Variants in MCOLN2 observed in about 807,000 individuals in gnomAD.
MCOLN2 encodes mucolipin-2.
A neutral mutation model predicts 67.5 loss-of-function variants in MCOLN2; 57 were observed. That is an observed-to-expected ratio of 0.84 (90% confidence interval 0.68 to 1.05). The LOEUF is 1.05. MCOLN2 is among the 50% of genes least tolerant of loss of function. The probability of loss-of-function intolerance (pLI) is 0.00; values close to 1 mark genes in which losing one functional copy is unlikely to be tolerated. For missense variants in MCOLN2, 620 were observed against 678.8 expected (o/e 0.91, Z 0.96); for synonymous variants, 246 against 233.3 (o/e 1.05, Z -0.50).
chr1:84,977,936 C>T (rs1003695411), intron 1 of MCOLN2, among the ~76,000 whole-genome samples: 1 of 152,184 alleles, frequency 6.6e-6, no homozygotes, highest in East Asian at 1.9e-4. Flanking sequence ...CTACAGAATA[C>T]ACATTCTTTT....
chr1:84,982,225 A>G (rs75476342), intron 1 of MCOLN2, among the ~76,000 whole-genome samples: 1,553 of 152,324 alleles, frequency 0.01, 30 homozygotes, highest in African/African-American at 0.036. Context: ...ATATAGTACC[A>G]TAAGATATTT....
At chr1:84,944,391 G>A (rs531985134) in intron 7 of MCOLN2, among the ~76,000 whole-genome samples, 3 of 152,056 alleles carry the variant, frequency 2.0e-5, no homozygotes, top group Non-Finnish European at 4.4e-5. Flanking sequence ...AAAATAGTCG[G>A]GCGTGGTGGG....
At chr1:84,990,394 C>A (rs970902734) in intron 1 of MCOLN2, among the ~76,000 whole-genome samples, 1 of 143,858 alleles carries the variant, frequency 7.0e-6, no homozygotes, top group African/African-American at 2.6e-5. Context: ...ACATATGTAA[C>A]TAACTTGCAC....
In MCOLN2 at chr1:84,985,723, T is replaced by G. The variant is rs533862167; in HGVS notation, c.77+11073A>C. 5.9e-4 allele frequency among the ~76,000 whole-genome samples: 90 copies of G among 152,216 alleles called. 1 individual carries two copies. Among genetic ancestry groups the G allele is most frequent in the African/African-American group, 2.1e-3 (87 of 41,538 alleles). ...AAAAACCAAAATTTAAAATTAGGAA[T>G]ACACTTAACCAAGGAGGTGAAAGAC... On this transcript the variant is annotated intron_variant, in intron 1 of 13. Coordinates refer to ENST00000370608, the MANE Select transcript of MCOLN2 (RefSeq NM_153259.4).
chr1:84,960,156 AT>A (rs1274679960), intron 2 of MCOLN2, among the ~76,000 whole-genome samples: 1 of 152,234 alleles, frequency 6.6e-6, no homozygotes, highest in Non-Finnish European at 1.5e-5. Flanking sequence ...ATACTAAAGA[AT>A]TAGGAAAAAT....
At chr1:84,935,590 C>A (rs559707491) in intron 11 of MCOLN2, among the ~76,000 whole-genome samples, 2 of 152,234 alleles carry the variant, frequency 1.3e-5, no homozygotes, top group Admixed American at 1.3e-4. Context: ...ATATTTTATA[C>A]TGAATACATG....
At chr1:84,988,755 T>G (rs1006824038) in intron 1 of MCOLN2, among the ~76,000 whole-genome samples, 3 of 152,132 alleles carry the variant, frequency 2.0e-5, no homozygotes, top group Non-Finnish European at 4.4e-5. Context: ...GGCTTTCCCC[T>G]TCTCTCAGAG....
chr1:84,948,891 A>G (rs1557640920), intron 6 of MCOLN2, among the ~76,000 whole-genome samples: 1 of 152,248 alleles, frequency 6.6e-6, no homozygotes, highest in Non-Finnish European at 1.5e-5. Context: ...GCACTTTGGA[A>G]GGCCAAGGCA....
chr1:84,965,663 T>C lies in MCOLN2; in HGVS notation c.123A>G (p.Leu41=). Residue 41 remains leucine, a synonymous_variant, in exon 2 of 14, where the codon CTA becomes CTG. Transcript: ENST00000370608. ...TGAAGTAAAACTTCAGGTCTTCCCT[T>C]AGACATTCTTCTTTCATCTCAGAAT... ...HRDSEMKEEC[L]REDLKFYFMS... is the part of the protein sequence containing the mutation. The C allele has an allele frequency of 6.2e-7, 1 of 1,613,964 alleles. No homozygotes were observed. Among genetic ancestry groups the C allele is most frequent in the Non-Finnish European group, 8.5e-7 (1 of 1,179,916 alleles).
chr1:84,949,540 C>T (rs2102830586), intron 6 of MCOLN2, among the ~76,000 whole-genome samples: 1 of 152,262 alleles, frequency 6.6e-6, no homozygotes, highest in South Asian at 2.1e-4. Context: ...ACTCAGGAGG[C>T]TGAGGCAGGA....
chr1:84,977,718 A>G lies in MCOLN2; in HGVS notation c.78-12010T>C, dbSNP rs1650061778. ...AATTTTAAATATATATGTACCCAAC[A>G]TTGGAGCACCCAGATATAGAAAGCA... On this transcript the variant is annotated intron_variant, in intron 1 of 13. Transcript: ENST00000370608. 1.3e-5 allele frequency among the ~76,000 whole-genome samples: 2 copies of G among 152,220 alleles called. 1 individual carries two copies. The highest frequency in any genetic ancestry group is 4.1e-4 in the South Asian group (2 of 4,822).
chr1:84,931,663 T>C lies in MCOLN2; in HGVS notation c.1336-95A>G, dbSNP rs987387458. ...TGTTTTGTTAACATTGTTTTTGTCA[T>C]TGTAGTAGTGGTAACTTACTTATTT... On this transcript the variant is annotated intron_variant, in intron 11 of 13. Coordinates refer to ENST00000370608, the MANE Select transcript of MCOLN2 (RefSeq NM_153259.4). The C allele has an allele frequency of 5.9e-6, 6 of 1,013,468 alleles. No individual in the cohort carries two copies. In the African/African-American group the frequency reaches 9.7e-5, roughly 16 times the overall value. The allele number at this position is 1,013,468 out of a possible 1,614,324, so 62.8% of individuals were successfully genotyped here.
intron 3 of MCOLN2, among the ~76,000 whole-genome samples, chr1:84,957,460 T>A (rs1236520158): frequency 6.6e-6 from 1 of 152,212 alleles, no homozygotes; most frequent in Non-Finnish European, 1.5e-5. Flanking sequence ...TTCAGGAACA[T>A]CCAAAAAATT....
At chr1:84,986,826 A>G (rs569260945) in intron 1 of MCOLN2, among the ~76,000 whole-genome samples, 248 of 152,260 alleles carry the variant, frequency 1.6e-3, no homozygotes, top group Non-Finnish European at 2.7e-3. Context: ...CAAAACCACA[A>G]TGTGATACCA....
intron 12 of MCOLN2, among the ~76,000 whole-genome samples, chr1:84,930,099 C>T (rs933876545): frequency 6.6e-6 from 1 of 151,862 alleles, no homozygotes; most frequent in Non-Finnish European, 1.5e-5. Flanking sequence ...CCCATCTCTA[C>T]AAAAAATACA....
intron 11 of MCOLN2, among the ~76,000 whole-genome samples, chr1:84,936,705 T>G (rs556990728): frequency 7.2e-5 from 11 of 152,300 alleles, no homozygotes; most frequent in Admixed American, 6.5e-4. Flanking sequence ...AAAGTCTGAG[T>G]GTTCCAGGTT....
intron 7 of MCOLN2, among the ~76,000 whole-genome samples, chr1:84,944,325 G>T (rs1452744283): frequency 2.6e-5 from 4 of 152,120 alleles, no homozygotes; most frequent in Non-Finnish European, 5.9e-5. Flanking sequence ...ATGAGGTCAG[G>T]AGTTCAAGAC....
In MCOLN2 at chr1:84,948,355, T is replaced by C. The variant is rs373688118; in HGVS notation, c.748-1223A>G. On this transcript the variant is annotated intron_variant, in intron 6 of 13. Coordinates refer to ENST00000370608, the MANE Select transcript of MCOLN2 (RefSeq NM_153259.4). ...TGACAAGGAGTACAACTGAACAAAC[T>C]GCATGGACACCATACTACTGAGTCT... Among the ~76,000 whole-genome samples, 38 of 152,314 alleles carry C rather than the reference T, an allele frequency of 2.5e-4. 2 individuals are homozygous for C. In the South Asian group the frequency reaches 4.4e-3, roughly 17 times the overall value.
intron 1 of MCOLN2, among the ~76,000 whole-genome samples, chr1:84,987,469 TA>T (rs1650601054): frequency 9.0e-5 from 9 of 100,062 alleles, no homozygotes; most frequent in East Asian, 3.0e-4. Context: ...TATGTATATA[TA>T]GATATATATA....
Sources: allele counts gnomAD v4.1 joint callset (sites outside exome capture counted in the v4.1 genomes callset), GRCh38; gene constraint gnomAD v4.1.1; transcripts MANE v1.5; gene names NCBI Gene and HGNC (gene_info 2026-07-23, HGNC 2026-07-21).